The following COQ10A variants were observed in gnomAD, a reference collection of about 807,000 sequenced individuals.
The protein encoded by COQ10A is coenzyme Q-binding protein COQ10 homolog A, mitochondrial.
Under a neutral mutation model 26.1 loss-of-function variants are expected in COQ10A, and 25 were observed. The observed-to-expected ratio is 0.96, with a 90% CI of 0.70 to 1.34. The LOEUF is 1.34. COQ10A is among the 40% of genes most tolerant of loss of function. The pLI, the probability that COQ10A is intolerant of heterozygous loss-of-function variation, is 0.00. For missense variants in COQ10A, 312 were observed against 335.4 expected (o/e 0.93, Z 0.54); for synonymous variants, 132 against 124.0 (o/e 1.06, Z -0.43).
intron 2 of COQ10A, 42 bp from the exon 3 acceptor site, chr12:56,269,017 C>T (rs1489136601): frequency 6.3e-7 from 1 of 1,582,940 alleles, no homozygotes; most frequent in Admixed American, 1.7e-5. Context: ...AGGAACCTGA[C>T]CCAGCTGGCA....
intron 2 of COQ10A, 67 bp from the exon 3 acceptor site, chr12:56,268,992 G>C: frequency 7.6e-7 from 1 of 1,324,224 alleles, no homozygotes; most frequent in Middle Eastern, 2.6e-4. Context: ...TATGAATTAG[G>C]GGCCTATAGC....
Position 56,270,352 on chromosome 12 carries a change from C to G in COQ10A, c.*35C>G, listed in dbSNP as rs779063731. The stretch of plus-strand genomic sequence containing the variant: ...TTGCTCCCTGACCTCCCTTCTACCC[C>G]ACTTCCCTACACAATTCTCTTATTT... On this transcript the variant is annotated 3_prime_UTR_variant, in exon 5 of 5. Coordinates refer to ENST00000308197, the MANE Select transcript of COQ10A (RefSeq NM_144576.4). 4.0e-5 allele frequency: 64 copies of G among 1,580,930 alleles called. No individual in the cohort carries two copies. The highest frequency in any genetic ancestry group is 5.3e-5 in the Non-Finnish European group (61 of 1,156,908).
At position 56,269,494 on chromosome 12, in the gene COQ10A, T is replaced by TA; in HGVS notation, c.510dup (p.Glu171ArgfsTer26). The TA allele has an allele frequency of 1.9e-6, 3 of 1,614,204 alleles. No homozygotes were observed. The highest frequency in any genetic ancestry group is 2.5e-6 in the Non-Finnish European group (3 of 1,180,022). ...ACTGATGGCAAGCTCTTCAACCACT[T>TA]AGAGACTATTTGGCGATTCAGCCCT... On this transcript the variant is annotated frameshift_variant, in exon 4 of 5. Coordinates refer to ENST00000308197, the MANE Select transcript of COQ10A (RefSeq NM_144576.4). LOFTEE classifies it high-confidence loss of function.
chr12:56,267,635 C>T, intron 1 of COQ10A, 159 bp from the exon 2 acceptor site: 1 of 1,217,950 alleles, frequency 8.2e-7, no homozygotes, highest in Non-Finnish European at 1.2e-6. Context: ...GCACTCGTGA[C>T]TCCCTGGCCA....
chr12:56,267,696 C>A (rs1241030393), intron 1 of COQ10A, 98 bp from the exon 2 acceptor site: 1 of 1,527,966 alleles, frequency 6.5e-7, no homozygotes, highest in Non-Finnish European at 9.1e-7. Context: ...CTTGTTTGGA[C>A]GACCTTCGTC....
At chr12:56,269,974 T>C in intron 4 of COQ10A, 176 bp from the exon 5 acceptor site, 1 of 653,908 alleles carries the variant, frequency 1.5e-6, no homozygotes, top group Non-Finnish European at 2.7e-6. Flanking sequence ...AGTCAGTTAG[T>C]CTGAGCTTGT....
chr12:56,269,701 C>T (rs1872452063), intron 4 of COQ10A, 140 bp downstream of exon 4: 1 of 695,238 alleles, frequency 1.4e-6, no homozygotes, highest in South Asian at 1.6e-5. Context: ...GATCTTGGCT[C>T]ACTGCAACCT....
chr12:56,269,569 A>G lies in COQ10A; in HGVS notation c.576+8A>G, dbSNP rs760399710. 3.8e-6 allele frequency: 6 copies of G among 1,597,526 alleles called. No individual in the cohort carries two copies. Among genetic ancestry groups the G allele is most frequent in the Non-Finnish European group, 8.6e-7 (1 of 1,165,018 alleles). On this transcript the variant is annotated splice_region_variant and intron_variant, in intron 4 of 4. Transcript: ENST00000308197. ...TGCACTGTGGACTTTTCGGTGAGTC[A>G]GGAGGTTGTGTAGCAGAGGACGAGG...
chr12:56,270,452 A>G lies in COQ10A; in HGVS notation c.*135A>G. On this transcript the variant is annotated 3_prime_UTR_variant, in exon 5 of 5. Coordinates refer to ENST00000308197, the MANE Select transcript of COQ10A (RefSeq NM_144576.4). ...CTGTTTCTCCTCTCAATTTCCCAGAAATTGGGTTCTATGCTGGCTGGAAAT... is the reference window on the plus strand; with the variant it reads ...CTGTTTCTCCTCTCAATTTCCCAGAGATTGGGTTCTATGCTGGCTGGAAAT... 1.1e-6 allele frequency: 1 copy of G among 947,960 alleles called. No individual in the cohort carries two copies. The highest frequency in any genetic ancestry group is 1.7e-5 in the South Asian group (1 of 57,244). 58.7% of individuals were successfully genotyped at this position (947,960 alleles called of 1,614,324 possible).
Position 56,267,219 on chromosome 12 carries a change from C to A in COQ10A, c.101C>A (p.Pro34His). The change falls in exon 1 of 5, where the codon CCC (proline) becomes CAC (histidine). Residue 34 changes from proline (P) to histidine (H), a missense_variant. By Grantham distance (77) the Pro-to-His change is moderately conservative. Coordinates refer to ENST00000308197, the MANE Select transcript of COQ10A (RefSeq NM_144576.4). The part of the protein sequence containing the change: ...SLSPGAQPAP[P>H]PGPLPPPRPM... ...AGCCCGGGCGCGCAACCGGCCCCGC[C>A]CCCAGGCCCTCTGCCACCGCCGCGA... 2 of 1,461,776 alleles carry A rather than the reference C, an allele frequency of 1.4e-6. No individual in the cohort carries two copies. Among genetic ancestry groups the A allele is most frequent in the East Asian group, 2.7e-5 (1 of 37,668 alleles). The allele number at this position is 1,461,776 out of a possible 1,614,324, so 90.6% of individuals were successfully genotyped here.
rs916642532 is a variant in COQ10A, at chr12:56,270,646, C to T, written c.*329C>T. 5.0e-5 allele frequency: 10 copies of T among 198,880 alleles called. 1 individual carries two copies. Among genetic ancestry groups the T allele is most frequent in the African/African-American group, 9.2e-5 (4 of 43,296 alleles). 12.3% of individuals were successfully genotyped at this position (198,880 alleles called of 1,614,324 possible). ...GACACCTTAGTGTCTGACCAGGGGA[C>T]GATAGTAACTTTTCTAAGGATTGAA... On this transcript the variant is annotated 3_prime_UTR_variant, in exon 5 of 5. Transcript: ENST00000308197.
chr12:56,270,329 G>GCTCCCTGAC lies in COQ10A; in HGVS notation c.*19_*27dup. The GCTCCCTGAC allele has an allele frequency of 6.2e-7, 1 of 1,611,460 alleles. No individual in the cohort carries two copies. The highest frequency in any genetic ancestry group is 8.5e-7 in the Non-Finnish European group (1 of 1,177,862). ...TGCACCAGACTTGAGGCAAGGGATT[G>GCTCCCTGAC]CTCCCTGACCTCCCTTCTACCCCAC... On this transcript the variant is annotated 3_prime_UTR_variant, in exon 5 of 5. Coordinates refer to ENST00000308197, the MANE Select transcript of COQ10A (RefSeq NM_144576.4).
In COQ10A at chr12:56,267,926, G is replaced by T. The variant is rs1314882935; in HGVS notation, c.267G>T (p.Glu89Asp). 6.2e-7 allele frequency: 1 copy of T among 1,614,148 alleles called. No individual in the cohort carries two copies. The highest frequency in any genetic ancestry group is 8.5e-7 in the Non-Finnish European group (1 of 1,180,030). Residue 89 changes from glutamate (E) to aspartate (D), a missense_variant, in exon 2 of 5, where the codon GAG (glutamate) becomes GAT (aspartate). Glu to Asp is a conservative substitution (Grantham distance 45). Transcript: ENST00000308197. The part of the protein sequence containing the change: ...PFTNKRKAYS[E>D]RRIMGYSMQE... ...CCAACAAGCGAAAGGCTTACTCGGA[G>T]CGTAGAATCATGGGGTAAGCATTCT... is the stretch of plus-strand genomic sequence containing the variant.
chr12:56,269,651 G>A (rs1872450600), intron 4 of COQ10A, 90 bp downstream of exon 4: 2 of 966,106 alleles, frequency 2.1e-6, no homozygotes, highest in African/African-American at 1.6e-5. Flanking sequence ...TATTTGAGAT[G>A]GAGTCTTGCT....
In COQ10A at chr12:56,269,049, C is replaced by A. The variant is rs770755850; in HGVS notation, c.282-10C>A. The A allele has an allele frequency of 2.2e-5, 35 of 1,610,400 alleles. No individual in the cohort carries two copies. In the South Asian group the frequency reaches 3.3e-4, roughly 15 times the overall value. Reference sequence around the variant, plus strand: ...GGCAGCTCCTTGGCCTGTGATTCTTCTTCTCCTAGGTACTCAATGCAGGAG... The same window carrying A: ...GGCAGCTCCTTGGCCTGTGATTCTTATTCTCCTAGGTACTCAATGCAGGAG... On this transcript the variant is annotated splice_polypyrimidine_tract_variant and intron_variant, in intron 2 of 4. Transcript: ENST00000308197.
At chr12:56,267,975 CT>C in intron 2 of COQ10A, 35 bp downstream of exon 2, 1 of 1,610,866 alleles carries the variant, frequency 6.2e-7, no homozygotes. Flanking sequence ...TTGCACCTCC[CT>C]TTTCCCTCCA....
In COQ10A at chr12:56,269,049, C is replaced by T; in HGVS notation, c.282-10C>T. On this transcript the variant is annotated splice_polypyrimidine_tract_variant and intron_variant, in intron 2 of 4. Coordinates refer to ENST00000308197, the MANE Select transcript of COQ10A (RefSeq NM_144576.4). ...GGCAGCTCCTTGGCCTGTGATTCTT[C>T]TTCTCCTAGGTACTCAATGCAGGAG... The T allele has an allele frequency of 6.2e-7, 1 of 1,610,518 alleles. No individual in the cohort carries two copies. The highest frequency in any genetic ancestry group is 8.5e-7 in the Non-Finnish European group (1 of 1,177,582).
rs934948394 is a variant in COQ10A, at chr12:56,269,514, A to T, written c.529A>T (p.Ser177Cys). The T allele has an allele frequency of 6.2e-7, 1 of 1,614,104 alleles. No homozygotes were observed. The highest frequency in any genetic ancestry group is 8.5e-7 in the Non-Finnish European group (1 of 1,180,034). The part of the protein sequence containing the change: ...FNHLETIWRF[S>C]PGIPAYPRTC... Reference sequence around the variant, plus strand: ...CCACTTAGAGACTATTTGGCGATTCAGCCCTGGTATTCCTGCCTATCCTCG... The same window carrying T: ...CCACTTAGAGACTATTTGGCGATTCTGCCCTGGTATTCCTGCCTATCCTCG... Residue 177 changes from serine (S) to cysteine (C), a missense_variant, in exon 4 of 5, where the codon AGC (serine) becomes TGC (cysteine). Transcript: ENST00000308197.
chr12:56,270,114 T>G (rs1872469992), intron 4 of COQ10A, 36 bp from the exon 5 acceptor site: 1 of 1,598,452 alleles, frequency 6.3e-7, no homozygotes, highest in Non-Finnish European at 8.6e-7. Flanking sequence ...TCCAACATGG[T>G]CTGGAAGTTT....
Sources: allele counts gnomAD v4.1 joint callset, GRCh38; gene constraint gnomAD v4.1.1; transcripts MANE v1.5; gene names NCBI Gene and HGNC (gene_info 2026-07-23, HGNC 2026-07-21).